Variants in ZNF354A observed in about 807,000 individuals in gnomAD.
The protein encoded by ZNF354A is zinc finger protein 354A, also known as epididymis luminal protein 104.
Under a neutral mutation model 53.3 loss-of-function variants are expected in ZNF354A, and 25 were observed. The ratio of observed to expected loss-of-function variants is 0.47; its 90% CI spans 0.34 to 0.66. The LOEUF (loss-of-function observed/expected upper bound fraction) is 0.66, where lower values mean the gene tolerates loss of function less well. Among genes scored for constraint, ZNF354A ranks in the 30% least tolerant of loss-of-function variants. ZNF354A has a pLI of 0.01. For synonymous variants in ZNF354A, 228 were observed against 249.0 expected (o/e 0.92, Z 0.79); for missense variants, 586 against 716.8 (o/e 0.82, Z 2.08).
At chr5:178,720,208 A>C (rs1193108120) in intron 4 of ZNF354A, among the ~76,000 whole-genome samples, 2 of 152,232 alleles carry the variant, frequency 1.3e-5, no homozygotes. Context: ...TGTACAGTGA[A>C]TCTCCAGCCA....
At chr5:178,715,252 T>C (rs533601007) in intron 4 of ZNF354A, among the ~76,000 whole-genome samples, 79 of 152,352 alleles carry the variant, frequency 5.2e-4, no homozygotes, top group Non-Finnish European at 8.7e-4. Flanking sequence ...TGTATGACAG[T>C]CACTTTCACA....
chr5:178,724,227 CTT>C (rs768708878), intron 4 of ZNF354A, among the ~76,000 whole-genome samples: 37 of 143,322 alleles, frequency 2.6e-4, no homozygotes, highest in Non-Finnish European at 3.1e-4. Context: ...GGCTTCCCGC[CTT>C]TTTTTTTTTT....
At chr5:178,722,804 G>A (rs144586218) in intron 4 of ZNF354A, among the ~76,000 whole-genome samples, 58 of 152,332 alleles carry the variant, frequency 3.8e-4, no homozygotes, top group Non-Finnish European at 6.5e-4. Flanking sequence ...ATTACACAGC[G>A]CTAAGCACGA....
At chr5:178,727,251 C>G (rs1581750421) in intron 2 of ZNF354A, 126 bp from the exon 3 acceptor site, 2 of 1,131,572 alleles carry the variant, frequency 1.8e-6, no homozygotes, top group East Asian at 5.2e-5. Flanking sequence ...GGTTCCAGAT[C>G]ATTCGTTTAA....
In ZNF354A at chr5:178,712,999, A is replaced by C. The variant is rs1264460544; in HGVS notation, c.879T>G (p.Thr293=). 1 of 1,614,180 alleles carries C rather than the reference A, an allele frequency of 6.2e-7. No individual in the cohort carries two copies. The highest frequency in any genetic ancestry group is 8.5e-7 in the Non-Finnish European group (1 of 1,180,022). The change falls in exon 5 of 5, where the codon ACT becomes ACG. Residue 293 remains threonine, a synonymous_variant. Transcript: ENST00000335815. ...CTTTACATCTGTAGGATTTCTCCAC[A>C]GTATGGGTTCTTAGATGTTTATAAA... is the stretch of plus-strand genomic sequence containing the variant. ...TSLYKHLRTH[T]VEKSYRCKEC... is the part of the protein sequence containing the mutation.
rs1765831183 is a variant in ZNF354A, at chr5:178,722,592, T to C, written c.256+2784A>G. Reference sequence around the variant, plus strand: ...TCCTGCTGGCTGTATCTCCTGGACATCCCTGGGACTGGTTCACTTCTTTCT... The same window carrying C: ...TCCTGCTGGCTGTATCTCCTGGACACCCCTGGGACTGGTTCACTTCTTTCT... On this transcript the variant is annotated intron_variant, in intron 4 of 4. Transcript: ENST00000335815. Among the ~76,000 whole-genome samples the C allele has an allele frequency of 2.0e-5, 3 of 152,190 alleles. No individual in the cohort carries two copies. In the South Asian group the frequency reaches 6.2e-4, roughly 32 times the overall value.
At chr5:178,714,704 C>T (rs1456152094) in intron 4 of ZNF354A, among the ~76,000 whole-genome samples, 3 of 152,178 alleles carry the variant, frequency 2.0e-5, no homozygotes, top group South Asian at 2.1e-4. Context: ...AATATTCTTA[C>T]GTATTTCATA....
rs544896986 is a variant in ZNF354A, at chr5:178,713,163, C to T, written c.715G>A (p.Glu239Lys). ...LRKHEKNHSG[E>K]KLFKCKECSK... Reference sequence around the variant, plus strand: ...CATTCTTTACACTTAAATAGTTTCTCTCCACTATGGTTTTTCTCATGTTTA... The same window carrying T: ...CATTCTTTACACTTAAATAGTTTCTTTCCACTATGGTTTTTCTCATGTTTA... Residue 239 changes from glutamate to lysine, a missense_variant, in exon 5 of 5, where the codon GAG becomes AAG. By Grantham distance (56) the Glu-to-Lys change is moderately conservative (BLOSUM62 1). Around this residue, in one of 2 missense-constraint regions of ZNF354A, gnomAD observed 573 missense variants for 680.1 expected, o/e 0.84. Coordinates refer to ENST00000335815, the MANE Select transcript of ZNF354A (RefSeq NM_005649.3). 6.2e-7 allele frequency: 1 copy of T among 1,614,138 alleles called. No individual in the cohort carries two copies. The highest frequency in any genetic ancestry group is 1.1e-5 in the South Asian group (1 of 91,084).
At chr5:178,716,173 G>T (rs1765709883) in intron 4 of ZNF354A, among the ~76,000 whole-genome samples, 1 of 152,114 alleles carries the variant, frequency 6.6e-6, no homozygotes, top group African/African-American at 2.4e-5. Context: ...TGGGATTACA[G>T]GTGTGAGCCA....
At chr5:178,720,397 C>T (rs891436815) in intron 4 of ZNF354A, among the ~76,000 whole-genome samples, 3 of 152,104 alleles carry the variant, frequency 2.0e-5, no homozygotes, top group Admixed American at 6.5e-5. Context: ...AGCCCTAATC[C>T]AGCGTGACTG....
At chr5:178,726,205 C>A in intron 3 of ZNF354A, 1 of 455,964 alleles carries the variant, frequency 2.2e-6, no homozygotes, top group South Asian at 1.5e-5. Flanking sequence ...CAAATTCAGA[C>A]CACTGCCTGT....
intron 4 of ZNF354A, among the ~76,000 whole-genome samples, chr5:178,720,700 G>A (rs1016638188): frequency 1.3e-5 from 2 of 152,170 alleles, no homozygotes; most frequent in Non-Finnish European, 1.5e-5. Flanking sequence ...CTTCAGTATG[G>A]AGCCCTAGCA....
rs1712012924 is a variant in ZNF354A at position 178,725,465 on chromosome 5, G to A, written c.167C>T (p.Pro56Leu). 6 of 1,613,886 alleles carry A rather than the reference G, an allele frequency of 3.7e-6. No individual in the cohort carries two copies. Among genetic ancestry groups the A allele is most frequent in the Admixed American group, 1.7e-5 (1 of 59,978 alleles). Residue 56 changes from proline to leucine, a missense_variant, in exon 4 of 5, where the codon CCA (proline) becomes CTA (leucine). Physicochemically the swap from Pro to Leu is moderately conservative, Grantham distance 98 (BLOSUM62 -3). Coordinates refer to ENST00000335815, the MANE Select transcript of ZNF354A (RefSeq NM_005649.3). ...GGAGATCACTTTTGGTTTGGTAAAT[G>A]GGAGCCCTGCACATAAACAAAAAAC... ...NYRNLVSLGL[P>L]FTKPKVISLL...
At chr5:178,719,430 AG>A (rs1037981332) in intron 4 of ZNF354A, among the ~76,000 whole-genome samples, 1 of 152,216 alleles carries the variant, frequency 6.6e-6, no homozygotes, top group African/African-American at 2.4e-5. Context: ...GTGAGGGTGC[AG>A]GTAGAAAAGG....
Position 178,713,095 on chromosome 5 carries a change from T to C in ZNF354A, c.783A>G (p.Gln261=). 1 of 1,613,948 alleles carries C rather than the reference T, an allele frequency of 6.2e-7. No homozygotes were observed. Among genetic ancestry groups the C allele is most frequent in the Non-Finnish European group, 8.5e-7 (1 of 1,179,862 alleles). Residue 261 remains glutamine, a synonymous_variant, in exon 5 of 5, where the codon CAA becomes CAG. Transcript: ENST00000335815. The stretch of plus-strand genomic sequence containing the variant: ...AGGGTTTCTCTCCAGTATGCGTTAT[T>C]TGATGTTGAATAAGAGCTGAACTTT... ...FSQSSALIQH[Q]ITHTGEKPYI...
At chr5:178,714,823 T>C (rs1266449299) in intron 4 of ZNF354A, among the ~76,000 whole-genome samples, 3 of 152,184 alleles carry the variant, frequency 2.0e-5, no homozygotes, top group Non-Finnish European at 2.9e-5. Flanking sequence ...TTCAGACCCT[T>C]GTAGAAGTTG....
chr5:178,725,865 C>G (rs79852995), intron 3 of ZNF354A, among the ~76,000 whole-genome samples: 4 of 151,406 alleles, frequency 2.6e-5, no homozygotes, highest in African/African-American at 9.7e-5. Flanking sequence ...CTTTTTTTTT[C>G]TGAGGAGGAG....
chr5:178,722,483 A>G (rs987481506), intron 4 of ZNF354A, among the ~76,000 whole-genome samples: 2 of 152,178 alleles, frequency 1.3e-5, no homozygotes, highest in African/African-American at 4.8e-5. Flanking sequence ...GAAACCAAGC[A>G]AGCATCCCTG....
rs906419362 is a variant in ZNF354A, at chr5:178,713,470, C to T, written c.408G>A (p.Gln136=). ...YIYEGRLEKK[Q]DKKGSFQIVS... ...CTATCTGAAAACTTCCCTTTTTATC[C>T]TGCTTTTTCTCTAATCTGCCTTCAT... The change falls in exon 5 of 5, where the codon CAG becomes CAA. Residue 136 remains glutamine, a synonymous_variant. Transcript: ENST00000335815. 5.0e-6 allele frequency: 8 copies of T among 1,613,602 alleles called. No individual in the cohort carries two copies. Among genetic ancestry groups the T allele is most frequent in the Middle Eastern group, 1.7e-4 (1 of 6,060 alleles).
Sources: gnomAD v4.1 joint callset for allele counts (sites outside exome capture counted in the v4.1 genomes callset) on GRCh38, gnomAD v4.1.1 for gene constraint, gnomAD v4.1.1 regional missense constraint, MANE v1.5 for transcripts, NCBI Gene and HGNC (gene_info 2026-07-23, HGNC 2026-07-21) for gene names.